The following KLHL18 variants were observed in gnomAD, a reference collection of about 807,000 sequenced individuals.
The protein encoded by KLHL18 is kelch-like protein 18.
KLHL18 carries 38 observed loss-of-function variants against 58.5 expected under a neutral mutation model. The ratio of observed to expected loss-of-function variants is 0.65; its 90% CI spans 0.50 to 0.85. KLHL18 has a LOEUF of 0.85. KLHL18 is among the 40% of genes least tolerant of loss of function. KLHL18 has a pLI of 0.00. For missense variants in KLHL18, 624 were observed against 778.4 expected (o/e 0.80, Z 2.36); for synonymous variants, 303 against 301.9 (o/e 1.00, Z -0.04).
chr3:47,316,529 GTATATATATACATATATACATATATACA>G (rs1559495535), intron 1 of KLHL18, among the ~76,000 whole-genome samples: 1,759 of 6,538 alleles, frequency 0.27, 113 homozygotes, highest in South Asian at 0.59. Context: ...ACATATATAT[GTATATATATACATATATACATATATACA>G]TATATATGTA....
chr3:47,317,361 G>A (rs543636410), intron 1 of KLHL18, among the ~76,000 whole-genome samples: 2 of 152,184 alleles, frequency 1.3e-5, no homozygotes, highest in Admixed American at 6.5e-5. Context: ...TGATCCACCC[G>A]CCTCAGGCTC....
rs965941726 is a variant in KLHL18 at position 47,325,668 on chromosome 3, T to C, written c.401+2960T>C. Among the ~76,000 whole-genome samples, 17 of 152,300 alleles carry C rather than the reference T, an allele frequency of 1.1e-4. 1 individual carries two copies. In the East Asian group the frequency reaches 3.3e-3, roughly 29 times the overall value. On this transcript the variant is annotated intron_variant, in intron 3 of 9. Transcript: ENST00000232766. ...TACATCTTCAGCCCGCTGCTTTTTT[T>C]CCCCCTGAGGCTGGGGTTGACTTTT...
intron 1 of KLHL18, among the ~76,000 whole-genome samples, chr3:47,305,879 G>A (rs1192565907): frequency 2.0e-5 from 3 of 152,244 alleles, no homozygotes; most frequent in African/African-American, 7.2e-5. Context: ...TTTATGTGTA[G>A]AGTTGTTCAT....
rs1469599630 is a variant in KLHL18 at position 47,336,638 on chromosome 3, G to C, written c.1002G>C (p.Val334=). 6.2e-7 allele frequency: 1 copy of C among 1,614,252 alleles called. No homozygotes were observed. Residue 334 remains valine (V), a synonymous_variant, in exon 7 of 10, where the codon GTG becomes GTC. Coordinates refer to ENST00000232766, the MANE Select transcript of KLHL18 (RefSeq NM_025010.5). The part of the protein sequence containing the change: ...TARSRVGVAV[V]NGLLYAIGGY... The stretch of plus-strand genomic sequence containing the variant: ...GCAGCCGCGTTGGCGTGGCTGTGGT[G>C]AACGGGCTTCTCTATGCCATCGGAG...
Position 47,343,620 on chromosome 3 carries a change from C to G in KLHL18, c.1404C>G (p.Cys468Trp). Residue 468 changes from cysteine (C) to tryptophan (W), a missense_variant, in exon 10 of 10, where the codon TGC becomes TGG. Transcript: ENST00000232766. ...CAGCTGGCATGCTCAACAAGCGCTG[C>G]CGGCACGGAGCCGCCTCCCTGGGGA... ...HPAAGMLNKR[C>W]RHGAASLGSK... 2.5e-6 allele frequency: 4 copies of G among 1,614,176 alleles called. No homozygotes were observed. Among genetic ancestry groups the G allele is most frequent in the Non-Finnish European group, 3.4e-6 (4 of 1,180,042 alleles).
intron 1 of KLHL18, among the ~76,000 whole-genome samples, chr3:47,303,898 T>TC (rs1307304811): frequency 2.0e-5 from 3 of 150,792 alleles, no homozygotes; most frequent in Non-Finnish European, 3.0e-5. Flanking sequence ...AATTTTTAAT[T>TC]TTTTTTTTTT....
chr3:47,320,825 A>G (rs918975862), intron 2 of KLHL18, among the ~76,000 whole-genome samples: 1 of 152,162 alleles, frequency 6.6e-6, no homozygotes, highest in African/African-American at 2.4e-5. Flanking sequence ...AAGCTGAGGT[A>G]GGAGGTGAGC....
intron 1 of KLHL18, among the ~76,000 whole-genome samples, chr3:47,306,853 T>G (rs763046529): frequency 6.6e-6 from 1 of 152,240 alleles, no homozygotes. Context: ...TATATCTCAT[T>G]GTGATGCTAG....
At chr3:47,327,934 A>T (rs561817522) in intron 3 of KLHL18, among the ~76,000 whole-genome samples, 2 of 152,232 alleles carry the variant, frequency 1.3e-5, no homozygotes, top group African/African-American at 4.8e-5. Context: ...ATGCCCGGCC[A>T]ATTTTTAATC....
intron 1 of KLHL18, among the ~76,000 whole-genome samples, chr3:47,309,306 G>A (rs1392981166): frequency 5.3e-5 from 8 of 151,030 alleles, no homozygotes; most frequent in South Asian, 2.1e-4. Flanking sequence ...ACGGGGCGGC[G>A]GCCGGGCAGA....
At chr3:47,322,730 G>C in intron 3 of KLHL18, 22 bp downstream of exon 3, 1 of 1,534,736 alleles carries the variant, frequency 6.5e-7, no homozygotes, top group Non-Finnish European at 8.8e-7. Flanking sequence ...TGGTGGGCCT[G>C]GTGGAGAACA....
intron 3 of KLHL18, among the ~76,000 whole-genome samples, chr3:47,325,858 C>T (rs1372610309): frequency 6.6e-6 from 1 of 152,002 alleles, no homozygotes; most frequent in Non-Finnish European, 1.5e-5. Flanking sequence ...CCACCTCTGC[C>T]TCCCGAGCTC....
chr3:47,324,925 C>T (rs1182066229), intron 3 of KLHL18, among the ~76,000 whole-genome samples: 1 of 152,198 alleles, frequency 6.6e-6, no homozygotes, highest in Non-Finnish European at 1.5e-5. Context: ...TACGCATAAA[C>T]CTGATGTTTT....
intron 3 of KLHL18, among the ~76,000 whole-genome samples, chr3:47,325,557 C>G (rs1703697793): frequency 6.6e-6 from 1 of 152,134 alleles, no homozygotes; most frequent in Admixed American, 6.5e-5. Context: ...TTCTGAGCAC[C>G]AGTGGAAAAG....
intron 2 of KLHL18, 47 bp from the exon 3 acceptor site, chr3:47,322,521 A>G: frequency 6.5e-7 from 1 of 1,529,608 alleles, no homozygotes; most frequent in Non-Finnish European, 8.8e-7. Flanking sequence ...CCCGTGGGCC[A>G]AGACTCGTCT....
At chr3:47,316,472 T>C (rs1424071351) in intron 1 of KLHL18, among the ~76,000 whole-genome samples, 6 of 115,308 alleles carry the variant, frequency 5.2e-5, no homozygotes, top group African/African-American at 1.6e-4. Context: ...TATATATATA[T>C]GTATATATAT....
Position 47,324,294 on chromosome 3 carries a change from C to CTTTTTTTTTTTTTTTTTTTTTTT in KLHL18, c.401+1589_401+1590insTTTTTTTTTTTTTTTTTTTTTTT, listed in dbSNP as rs1559498832. 6.6e-4 allele frequency among the ~76,000 whole-genome samples: 7 copies of CTTTTTTTTTTTTTTTTTTTTTTT among 10,600 alleles called. 1 individual carries two copies. Among genetic ancestry groups the CTTTTTTTTTTTTTTTTTTTTTTT allele is most frequent in the African/African-American group, 1.2e-3 (6 of 4,810 alleles). 7.0% of individuals were successfully genotyped at this position (10,600 alleles called of 152,430 possible). A position where few individuals can be genotyped will look rare whatever the true frequency, so the allele number is the denominator to read the frequency against. ...ATGACTTCCTTTTTTCTTTTTCTTTCTTTCTTTTTTTTTTTTTTTTTTTTT... is the reference window on the plus strand; with the variant it reads ...ATGACTTCCTTTTTTCTTTTTCTTTCTTTTTTTTTTTTTTTTTTTTTTTTTTCTTTTTTTTTTTTTTTTTTTTT... On this transcript the variant is annotated intron_variant, in intron 3 of 9. Transcript: ENST00000232766.
chr3:47,336,986 T>G, intron 7 of KLHL18: 2 of 519,630 alleles, frequency 3.8e-6, no homozygotes, highest in South Asian at 4.6e-5. Context: ...CATGGACATG[T>G]GGAAGTTGTG....
At chr3:47,315,920 A>C (rs2107619869) in intron 1 of KLHL18, among the ~76,000 whole-genome samples, 1 of 152,320 alleles carries the variant, frequency 6.6e-6, no homozygotes, top group African/African-American at 2.4e-5. Flanking sequence ...TAGGAAATTA[A>C]AAATATGATA....
Sources: allele counts gnomAD v4.1 joint callset (sites outside exome capture counted in the v4.1 genomes callset), GRCh38; gene constraint gnomAD v4.1.1; transcripts MANE v1.5; gene names NCBI Gene and HGNC (gene_info 2026-07-23, HGNC 2026-07-21).